Variants in MPHOSPH6 observed in about 807,000 individuals in gnomAD.
MPHOSPH6 encodes the protein M-phase phosphoprotein 6.
MPHOSPH6 carries 25 observed loss-of-function variants against 21.8 expected under a neutral mutation model. The ratio of observed to expected loss-of-function variants is 1.15; its 90% confidence interval spans 0.83 to 1.60. MPHOSPH6 has a LOEUF of 1.60. MPHOSPH6 is among the 40% of genes most tolerant of loss of function. The pLI is 0.00. For missense variants in MPHOSPH6, 269 were observed against 181.8 expected, an observed-to-expected ratio of 1.48 and a Z score of -2.76; for synonymous variants, 84 against 56.5, an observed-to-expected ratio of 1.49 and a Z score of -2.18.
At chr16:82,155,566 T>C (rs1906401966) in intron 2 of MPHOSPH6, among the ~76,000 whole-genome samples, 1 of 152,160 alleles carries the variant, frequency 6.6e-6, no homozygotes, top group Non-Finnish European at 1.5e-5. Context: ...TATAAAACTA[T>C]GACAGACTTA....
intron 2 of MPHOSPH6, among the ~76,000 whole-genome samples, chr16:82,163,307 A>C (rs1423387384): frequency 1.3e-5 from 2 of 152,362 alleles, no homozygotes; most frequent in African/African-American, 2.4e-5. Flanking sequence ...TAAGGTGAGG[A>C]AAGTATCAGG....
chr16:82,152,735 T>C (rs977329875), intron 2 of MPHOSPH6, among the ~76,000 whole-genome samples: 2 of 152,242 alleles, frequency 1.3e-5, no homozygotes, highest in Non-Finnish European at 2.9e-5. Context: ...AGGATGTTTC[T>C]GTCTGCAGCA....
At chr16:82,151,819 C>T (rs886325781) in intron 2 of MPHOSPH6, among the ~76,000 whole-genome samples, 2 of 152,160 alleles carry the variant, frequency 1.3e-5, no homozygotes, top group Admixed American at 1.3e-4. Flanking sequence ...AAAGTTGAAG[C>T]AAAGTTTCTT....
At chr16:82,154,641 A>G (rs2967326) in intron 2 of MPHOSPH6, among the ~76,000 whole-genome samples, 125,769 of 151,922 alleles carry the variant, frequency 0.83, 52,281 homozygotes, top group African/African-American at 0.9. Flanking sequence ...TAGAACTTAT[A>G]TAATTAAGGG....
At chr16:82,159,933 T>C (rs892688864) in intron 2 of MPHOSPH6, among the ~76,000 whole-genome samples, 5 of 152,168 alleles carry the variant, frequency 3.3e-5, no homozygotes, top group African/African-American at 4.8e-5. Context: ...TTATTCCTTA[T>C]AGAGGGAGCA....
chr16:82,167,323 A>C (rs1391467910), intron 1 of MPHOSPH6, among the ~76,000 whole-genome samples: 1 of 152,130 alleles, frequency 6.6e-6, no homozygotes, highest in East Asian at 1.9e-4. Context: ...CATTGAAGTG[A>C]GTCAGGATTA....
intron 2 of MPHOSPH6, among the ~76,000 whole-genome samples, chr16:82,156,692 A>G (rs1906438263): frequency 6.6e-6 from 1 of 152,222 alleles, no homozygotes; most frequent in Non-Finnish European, 1.5e-5. Flanking sequence ...CTGTTAAAGT[A>G]CAATTCCACA....
Position 82,149,374 on chromosome 16 carries a change from G to C in MPHOSPH6, c.285C>G (p.His95Gln), listed in dbSNP as rs887340078. 3.1e-6 allele frequency: 5 copies of C among 1,612,612 alleles called. No individual in the cohort carries two copies. The highest frequency in any genetic ancestry group is 4.2e-6 in the Non-Finnish European group (5 of 1,180,018). Reference sequence around the variant, plus strand: ...TTTCATCTTCAACTTCTTCTGCTTTGTGCTTAGCATTCATCTGAAGCATCA... The same window carrying C: ...TTTCATCTTCAACTTCTTCTGCTTTCTGCTTAGCATTCATCTGAAGCATCA... ...EKLMLQMNAK[H>Q]KAEEVEDETV... is the part of the protein sequence containing the mutation. Residue 95 changes from histidine (H) to glutamine (Q), a missense_variant, in exon 4 of 5, where the codon CAC becomes CAG. His to Gln is a conservative substitution (Grantham distance 24, BLOSUM62 0). Transcript: ENST00000258169.
At chr16:82,160,531 C>A (rs759761968) in intron 2 of MPHOSPH6, among the ~76,000 whole-genome samples, 1 of 152,136 alleles carries the variant, frequency 6.6e-6, no homozygotes, top group Non-Finnish European at 1.5e-5. Context: ...TCCTCTAAAG[C>A]GAAGGGCAGA....
intron 2 of MPHOSPH6, among the ~76,000 whole-genome samples, chr16:82,159,596 C>T (rs1259956640): frequency 2.0e-5 from 3 of 152,042 alleles, no homozygotes; most frequent in African/African-American, 4.8e-5. Flanking sequence ...TTAGTAGAGA[C>T]GGGGTTTCAC....
At chr16:82,149,807 T>A (rs1906205198) in intron 3 of MPHOSPH6, among the ~76,000 whole-genome samples, 1 of 152,146 alleles carries the variant, frequency 6.6e-6, no homozygotes, top group South Asian at 2.1e-4. Context: ...GTAATAATTT[T>A]AAATGCATCT....
chr16:82,160,800 G>A, intron 2 of MPHOSPH6, among the ~76,000 whole-genome samples: 1 of 152,174 alleles, frequency 6.6e-6, no homozygotes, highest in Middle Eastern at 3.4e-3. Context: ...GTGTTCAGGA[G>A]ACACTACTCC....
At chr16:82,163,991 G>A (rs925507613) in intron 2 of MPHOSPH6, 91 bp downstream of exon 2, 8 of 791,370 alleles carry the variant, frequency 1.0e-5, no homozygotes, top group African/African-American at 5.2e-5. Flanking sequence ...AATTTCATGG[G>A]CTTTATGTCA....
intron 1 of MPHOSPH6, among the ~76,000 whole-genome samples, chr16:82,166,107 G>C (rs1906770310): frequency 6.6e-6 from 1 of 152,202 alleles, no homozygotes; most frequent in African/African-American, 2.4e-5. Context: ...TCAATGTCCT[G>C]GCTCTTTATC....
At chr16:82,161,843 G>T (rs961686114) in intron 2 of MPHOSPH6, among the ~76,000 whole-genome samples, 1 of 152,208 alleles carries the variant, frequency 6.6e-6, no homozygotes, top group South Asian at 2.1e-4. Context: ...AGTGTCCCCT[G>T]TGAGGCAGTG....
chr16:82,168,305 C>G (rs1191480622), intron 1 of MPHOSPH6, among the ~76,000 whole-genome samples: 1 of 152,110 alleles, frequency 6.6e-6, no homozygotes, highest in East Asian at 1.9e-4. Context: ...ACCATAAAAT[C>G]AAACTCTGTT....
At chr16:82,152,777 C>T (rs1406833764) in intron 2 of MPHOSPH6, among the ~76,000 whole-genome samples, 3 of 152,168 alleles carry the variant, frequency 2.0e-5, no homozygotes, top group African/African-American at 4.8e-5. Context: ...ACCACATGAC[C>T]GTAAATCCAA....
rs528881521 is a variant in MPHOSPH6 at position 82,167,496 on chromosome 16, TATTATTA to T, written c.51+2622_51+2628del. On this transcript the variant is annotated intron_variant, in intron 1 of 4. Coordinates refer to ENST00000258169, the MANE Select transcript of MPHOSPH6 (RefSeq NM_005792.2). Reference sequence around the variant, plus strand: ...TTACATTTATTGTGCACTTTGTTTCTATTATTATATTATAATATGTCATGAAATAATT... The same window carrying T: ...TTACATTTATTGTGCACTTTGTTTCTTATTATAATATGTCATGAAATAATT... The T allele has an allele frequency of 3.0e-3, 396 of 131,374 alleles. 4 individuals are homozygous for T. The highest frequency in any genetic ancestry group is 3.8e-3 in the Non-Finnish European group (225 of 58,714). The allele number at this position is 131,374 out of a possible 1,614,324, so 8.1% of individuals were successfully genotyped here.
intron 2 of MPHOSPH6, among the ~76,000 whole-genome samples, chr16:82,160,812 A>G (rs1906583486): frequency 6.6e-6 from 1 of 152,138 alleles, no homozygotes; most frequent in South Asian, 2.1e-4. Flanking sequence ...CACTACTCCC[A>G]AAATATGGCA....
Sources: gnomAD v4.1 joint callset for allele counts (sites outside exome capture counted in the v4.1 genomes callset) on GRCh38, gnomAD v4.1.1 for gene constraint, MANE v1.5 for transcripts, NCBI Gene and HGNC (gene_info 2026-07-23, HGNC 2026-07-21) for gene names.